Variants in DCC observed in about 807,000 individuals in gnomAD.
DCC encodes DCC netrin 1 receptor.
A neutral mutation model predicts 172.5 loss-of-function variants in DCC; 58 were observed. That is an observed-to-expected ratio of 0.34 (90% CI 0.27 to 0.42). The LOEUF (loss-of-function observed/expected upper bound fraction) is 0.42. DCC is among the 10% of genes least tolerant of loss of function. The pLI is 1.00. For missense variants in DCC, 1,740 were observed against 1,791.0 expected (o/e 0.97, Z 0.51); for synonymous variants, 709 against 644.5 (o/e 1.10, Z -1.52).
intron 9 of DCC, among the ~76,000 whole-genome samples, chr18:53,202,071 C>G (rs2055545804): frequency 6.6e-6 from 1 of 152,120 alleles, no homozygotes; most frequent in Admixed American, 6.6e-5. Flanking sequence ...TTTCTTAGCT[C>G]TGTTCACCAA....
intron 5 of DCC, among the ~76,000 whole-genome samples, chr18:52,993,409 T>G (rs1480562724): frequency 1.3e-5 from 2 of 152,196 alleles, no homozygotes; most frequent in East Asian, 3.9e-4. Context: ...TTCTAACTCC[T>G]GTATAAAACA....
At chr18:53,224,423 A>G (rs2055993413) in intron 12 of DCC, among the ~76,000 whole-genome samples, 1 of 152,140 alleles carries the variant, frequency 6.6e-6, no homozygotes, top group African/African-American at 2.4e-5. Context: ...GGGTGTGATA[A>G]AAGTTGGGAT....
At chr18:53,221,362 A>AT (rs2055930091) in intron 12 of DCC, among the ~76,000 whole-genome samples, 1 of 152,030 alleles carries the variant, frequency 6.6e-6, no homozygotes, top group Non-Finnish European at 1.5e-5. Flanking sequence ...AAGCCACGAG[A>AT]TTTTAGACAT....
chr18:52,578,954 C>T lies in DCC; in HGVS notation c.92-173100C>T, dbSNP rs375059471. ...CGAGATCACGCCACTGCACTCCAGCCCAGCAACAGAGTGAGACTCCGTCTG... is the reference window on the plus strand; with the variant it reads ...CGAGATCACGCCACTGCACTCCAGCTCAGCAACAGAGTGAGACTCCGTCTG... On this transcript the variant is annotated intron_variant, in intron 1 of 28. Coordinates refer to ENST00000442544, the MANE Select transcript of DCC (RefSeq NM_005215.4). 2.6e-5 allele frequency among the ~76,000 whole-genome samples: 4 copies of T among 152,034 alleles called. No homozygotes were observed. In the East Asian group the frequency reaches 7.7e-4, roughly 29 times the overall value.
Position 52,497,283 on chromosome 18 carries a change from AT to A in DCC, c.91+156406del, listed in dbSNP as rs1568198463. Among the ~76,000 whole-genome samples the A allele has an allele frequency of 1.3e-3, 32 of 24,884 alleles. 5 individuals carry two copies. The highest frequency in any genetic ancestry group is 3.1e-3 in the African/African-American group (20 of 6,472). 16.3% of individuals were successfully genotyped at this position (24,884 alleles called of 152,430 possible). A position where few individuals can be genotyped will look rare whatever the true frequency, so the allele number is the denominator to read the frequency against. Reference sequence around the variant, plus strand: ...ATCAAAAAAAAAAAAAAAAAAAAATATATATATATATATATATATATATATA... The same window carrying A: ...ATCAAAAAAAAAAAAAAAAAAAAATAATATATATATATATATATATATATA... On this transcript the variant is annotated intron_variant, in intron 1 of 28. Transcript: ENST00000442544.
At chr18:52,350,761 G>A (rs1381536068) in intron 1 of DCC, among the ~76,000 whole-genome samples, 1 of 152,154 alleles carries the variant, frequency 6.6e-6, no homozygotes, top group African/African-American at 2.4e-5. Flanking sequence ...CCAAAAAGAG[G>A]CAAGGGAGTT....
chr18:53,333,936 A>G (rs1225745142), intron 14 of DCC, among the ~76,000 whole-genome samples: 6 of 152,222 alleles, frequency 3.9e-5, no homozygotes, highest in African/African-American at 1.2e-4. Context: ...TAGGCATCTC[A>G]CATTGAACAT....
intron 1 of DCC, among the ~76,000 whole-genome samples, chr18:52,504,482 C>T (rs976054627): frequency 6.6e-6 from 1 of 152,122 alleles, no homozygotes; most frequent in African/African-American, 2.4e-5. Flanking sequence ...AAAGACTGAA[C>T]AAGCTAGGGC....
At chr18:52,509,135 A>C (rs900696456) in intron 1 of DCC, among the ~76,000 whole-genome samples, 1 of 152,226 alleles carries the variant, frequency 6.6e-6, no homozygotes, top group East Asian at 1.9e-4. Context: ...AAATAGATAA[A>C]ATATTTCCAA....
intron 1 of DCC, among the ~76,000 whole-genome samples, chr18:52,675,500 G>T (rs575094989): frequency 6.6e-6 from 1 of 152,148 alleles, no homozygotes; most frequent in Non-Finnish European, 1.5e-5. Flanking sequence ...ATATTTAATT[G>T]AAGTCTCATG....
At chr18:53,423,361 A>ATTGCTT (rs1910740584) in intron 21 of DCC, among the ~76,000 whole-genome samples, 1 of 152,098 alleles carries the variant, frequency 6.6e-6, no homozygotes, top group Non-Finnish European at 1.5e-5. Flanking sequence ...TCCAAAACAG[A>ATTGCTT]TGGGTCACTG....
intron 7 of DCC, among the ~76,000 whole-genome samples, chr18:53,137,733 TAAAG>T (rs2043766102): frequency 2.0e-5 from 3 of 152,258 alleles, no homozygotes; most frequent in African/African-American, 4.8e-5. Context: ...ATATATTTAA[TAAAG>T]AAATATTTGA....
intron 1 of DCC, among the ~76,000 whole-genome samples, chr18:52,524,007 T>C (rs750217611): frequency 5.3e-5 from 8 of 152,204 alleles, no homozygotes; most frequent in Non-Finnish European, 7.4e-5. Flanking sequence ...CGTAAGATTG[T>C]CTGATGTTGG....
At chr18:53,210,176 T>C (rs1300931403) in intron 11 of DCC, among the ~76,000 whole-genome samples, 2 of 152,200 alleles carry the variant, frequency 1.3e-5, no homozygotes, top group African/African-American at 4.8e-5. Context: ...TTCCTTATTA[T>C]CCAGTTCCTT....
intron 5 of DCC, among the ~76,000 whole-genome samples, chr18:52,959,097 G>A (rs1411942110): frequency 6.6e-6 from 1 of 152,104 alleles, no homozygotes; most frequent in Non-Finnish European, 1.5e-5. Context: ...CTGATTTAGA[G>A]GTCATCAATT....
chr18:52,878,510 C>T lies in DCC; in HGVS notation c.413-27534C>T, dbSNP rs533944198. On this transcript the variant is annotated intron_variant, in intron 2 of 28. Coordinates refer to ENST00000442544, the MANE Select transcript of DCC (RefSeq NM_005215.4). ...TCCTCATATTTAGCTTATGCACATG[C>T]GTTTAATTCTGCTTAGAATGTTTTA... 4.4e-4 allele frequency among the ~76,000 whole-genome samples: 67 copies of T among 152,272 alleles called. No individual in the cohort carries two copies. The South Asian group carries it at 0.013, about 30-fold the overall frequency.
intron 9 of DCC, among the ~76,000 whole-genome samples, chr18:53,204,317 G>A (rs868353727): frequency 5.9e-5 from 9 of 152,264 alleles, no homozygotes; most frequent in African/African-American, 1.9e-4. Flanking sequence ...CAAGGCAGGA[G>A]GATCGCTTGC....
intron 12 of DCC, among the ~76,000 whole-genome samples, chr18:53,291,820 T>C (rs1481902739): frequency 1.3e-5 from 2 of 152,326 alleles, no homozygotes; most frequent in African/African-American, 4.8e-5. Flanking sequence ...TTAAGTCTAT[T>C]GATACTGACA....
At chr18:52,355,725 C>T (rs16954749) in intron 1 of DCC, among the ~76,000 whole-genome samples, 2,787 of 151,564 alleles carry the variant, frequency 0.018, 68 homozygotes, top group African/African-American at 0.065. Flanking sequence ...CTAAGCAGTG[C>T]AAGCATGTAA....
Sources: allele counts gnomAD v4.1 joint callset (sites outside exome capture counted in the v4.1 genomes callset), GRCh38; gene constraint gnomAD v4.1.1; transcripts MANE v1.5; gene names NCBI Gene and HGNC (gene_info 2026-07-23, HGNC 2026-07-21).